SEMA3D: variants seen among roughly 807,000 people sequenced by gnomAD.
The protein encoded by SEMA3D is semaphorin 3D.
In SEMA3D, 84 loss-of-function variants were observed where a neutral mutation model predicts 100.1. The observed-to-expected ratio is 0.84, with a 90% CI of 0.70 to 1.01. SEMA3D has a LOEUF of 1.01. Ranked by LOEUF, SEMA3D falls within the 50% of genes least tolerant of loss-of-function variation. SEMA3D has a pLI of 0.00. For synonymous variants in SEMA3D, 312 were observed against 320.7 expected (o/e 0.97, Z 0.29); for missense variants, 875 against 934.1 (o/e 0.94, Z 0.82).
the SEMA3D span, among the ~76,000 whole-genome samples, chr7:85,210,100 G>A: frequency 6.0e-4 from 91 of 152,116 alleles, 4 homozygotes; most frequent in South Asian, 0.018. Context: ...TAACTAATGG[G>A]AGGCTCTAAA....
At chr7:85,192,657 C>T in the SEMA3D span, among the ~76,000 whole-genome samples, 1 of 152,044 alleles carries the variant, frequency 6.6e-6, no homozygotes, top group African/African-American at 2.4e-5. Flanking sequence ...GTATAGTGAA[C>T]ATTTTGACCT....
At chr7:85,126,191 GA>G (rs1259112007) in intron 2 of SEMA3D, among the ~76,000 whole-genome samples, 2 of 152,054 alleles carry the variant, frequency 1.3e-5, no homozygotes, top group African/African-American at 4.8e-5. Context: ...CAAGAAATAT[GA>G]AATTTTACAT....
the SEMA3D span, among the ~76,000 whole-genome samples, chr7:85,214,114 G>T: frequency 6.6e-6 from 1 of 152,028 alleles, no homozygotes; most frequent in Non-Finnish European, 1.5e-5. Context: ...GTTTGGGTAG[G>T]TACCATTTTA....
intron 12 of SEMA3D, among the ~76,000 whole-genome samples, chr7:85,035,399 T>G (rs1790666663): frequency 6.6e-6 from 1 of 151,896 alleles, no homozygotes; most frequent in South Asian, 2.1e-4. Flanking sequence ...GCATTCATCC[T>G]TGAAAAACAA....
At chr7:85,102,143 T>C in intron 3 of SEMA3D, among the ~76,000 whole-genome samples, 1 of 151,964 alleles carries the variant, frequency 6.6e-6, no homozygotes, top group Admixed American at 6.6e-5. Context: ...ATGTTAAACC[T>C]TTCAAATAAT....
chr7:85,076,428 C>T (rs1194141546), intron 5 of SEMA3D, among the ~76,000 whole-genome samples: 4 of 151,838 alleles, frequency 2.6e-5, no homozygotes, highest in African/African-American at 4.8e-5. Context: ...AGAAAAAAAG[C>T]AAAAATATAT....
At chr7:85,248,890 C>A in the SEMA3D span, among the ~76,000 whole-genome samples, 1 of 152,114 alleles carries the variant, frequency 6.6e-6, no homozygotes, top group African/African-American at 2.4e-5. Flanking sequence ...CTGTGTGATA[C>A]TACAATTGTG....
the SEMA3D span, among the ~76,000 whole-genome samples, chr7:85,222,652 G>A: frequency 4.6e-5 from 7 of 152,088 alleles, no homozygotes; most frequent in Non-Finnish European, 8.8e-5. Context: ...CTCTGTGTCT[G>A]CTTCACAGAA....
At chr7:85,174,664 C>T (rs1791178910) in intron 1 of SEMA3D, among the ~76,000 whole-genome samples, 1 of 151,994 alleles carries the variant, frequency 6.6e-6, no homozygotes. Flanking sequence ...CTACTGGGGA[C>T]TGAAAGAGAT....
At chr7:85,084,843 T>A (rs1484484922) in intron 4 of SEMA3D, among the ~76,000 whole-genome samples, 4 of 152,200 alleles carry the variant, frequency 2.6e-5, no homozygotes, top group Admixed American at 2.6e-4. Context: ...TAGCTCCTAC[T>A]TATAAGTGAT....
the SEMA3D span, among the ~76,000 whole-genome samples, chr7:85,193,197 A>G: frequency 6.6e-6 from 1 of 152,140 alleles, no homozygotes; most frequent in African/African-American, 2.4e-5. Flanking sequence ...ATCACAATTT[A>G]CCAGGACAAA....
At chr7:85,068,879 A>C (rs1791697729) in intron 6 of SEMA3D, among the ~76,000 whole-genome samples, 1 of 152,228 alleles carries the variant, frequency 6.6e-6, no homozygotes, top group Admixed American at 6.5e-5. Flanking sequence ...CACTGTACAC[A>C]TTAAACCACA....
intron 4 of SEMA3D, among the ~76,000 whole-genome samples, chr7:85,095,858 T>C (rs1337609133): frequency 6.6e-6 from 1 of 152,050 alleles, no homozygotes; most frequent in Non-Finnish European, 1.5e-5. Flanking sequence ...ACATTTACTT[T>C]TTAAAATATT....
intron 3 of SEMA3D, among the ~76,000 whole-genome samples, chr7:85,103,608 T>G (rs1788816233): frequency 1.3e-5 from 2 of 152,088 alleles, no homozygotes; most frequent in African/African-American, 4.8e-5. Context: ...TCCCTAAACC[T>G]TTGACCTAAT....
At chr7:85,030,882 AC>A (rs1156674959) in intron 12 of SEMA3D, among the ~76,000 whole-genome samples, 2 of 151,972 alleles carry the variant, frequency 1.3e-5, no homozygotes, top group African/African-American at 4.8e-5. Flanking sequence ...TGTATTATGG[AC>A]TTTTTAATAT....
chr7:85,165,678 A>C (rs1790884939), intron 1 of SEMA3D, among the ~76,000 whole-genome samples: 1 of 152,098 alleles, frequency 6.6e-6, no homozygotes, highest in African/African-American at 2.4e-5. Context: ...ACCATCTTTT[A>C]AAAAGTTCAC....
At chr7:85,158,100 G>A (rs1186139472) in intron 1 of SEMA3D, among the ~76,000 whole-genome samples, 5 of 152,054 alleles carry the variant, frequency 3.3e-5, no homozygotes, top group Admixed American at 6.6e-5. Context: ...TGCGTTAACT[G>A]CACAAATTGT....
At position 85,127,288 on chromosome 7, in the gene SEMA3D, G is replaced by A. The variant is rs150663896; in HGVS notation, c.-40-5357C>T. Reference sequence around the variant, plus strand: ...AGTACCTACATTTTTATTTTGTAGCGGTTTAAACATTATGTTTGCATTGCT... The same window carrying A: ...AGTACCTACATTTTTATTTTGTAGCAGTTTAAACATTATGTTTGCATTGCT... On this transcript the variant is annotated intron_variant, in intron 2 of 18. Coordinates refer to ENST00000284136, the MANE Select transcript of SEMA3D (RefSeq NM_001384900.1). Among the ~76,000 whole-genome samples the A allele has an allele frequency of 1.2e-4, 18 of 152,078 alleles. No homozygotes were observed. In the East Asian group the frequency reaches 1.7e-3, roughly 15 times the overall value.
chr7:85,184,470 T>C (rs185012041), intron 1 of SEMA3D, among the ~76,000 whole-genome samples: 39 of 152,252 alleles, frequency 2.6e-4, no homozygotes, highest in Non-Finnish European at 4.9e-4. Context: ...ACAATACCCA[T>C]TTATAAATCT....
Sources: gnomAD v4.1 joint callset for allele counts (sites outside exome capture counted in the v4.1 genomes callset) on GRCh38, gnomAD v4.1.1 for gene constraint, MANE v1.5 for transcripts, NCBI Gene and HGNC (gene_info 2026-07-23, HGNC 2026-07-21) for gene names.